The following TRHDE variants were observed in gnomAD, a reference collection of about 807,000 sequenced individuals.
TRHDE encodes the protein thyrotropin-releasing hormone-degrading ectoenzyme.
A neutral mutation model predicts 125.7 loss-of-function variants in TRHDE; 72 were observed. The ratio of observed to expected loss-of-function variants is 0.57; its 90% CI spans 0.47 to 0.70. The LOEUF (loss-of-function observed/expected upper bound fraction) is 0.70, where lower values mean the gene tolerates loss of function less well. Among genes scored for constraint, TRHDE ranks in the 30% least tolerant of loss-of-function variants. The probability of loss-of-function intolerance (pLI) is 0.00; values close to 1 mark genes in which losing one functional copy is unlikely to be tolerated. For synonymous variants in TRHDE, 509 were observed against 509.1 expected (o/e 1.00, Z 0.00); for missense variants, 1,110 against 1,327.1 (o/e 0.84, Z 2.54).
intron 2 of TRHDE, among the ~76,000 whole-genome samples, chr12:72,121,596 G>C (rs1875583598): frequency 6.6e-6 from 1 of 152,174 alleles, no homozygotes; most frequent in African/African-American, 2.4e-5. Flanking sequence ...CCAGATGATA[G>C]GGGAGAGGTG....
At chr12:72,251,352 C>T (rs1344814857) in intron 2 of TRHDE, among the ~76,000 whole-genome samples, 1 of 151,346 alleles carries the variant, frequency 6.6e-6, no homozygotes, top group East Asian at 1.9e-4. Context: ...TTTCCCACTT[C>T]TGTAATTTTA....
At chr12:72,309,686 T>G (rs1270622459) in intron 2 of TRHDE, 1 of 152,036 alleles carries the variant, frequency 6.6e-6, no homozygotes, top group African/African-American at 2.4e-5. Context: ...GGGTGTGTTT[T>G]TTTTTTCCTT....
intron 2 of TRHDE, among the ~76,000 whole-genome samples, chr12:72,376,886 A>G (rs1317119232): frequency 2.1e-5 from 3 of 145,722 alleles, no homozygotes; most frequent in African/African-American, 7.7e-5. Context: ...TTTTTTTTTT[A>G]GATATTTGAA....
At chr12:72,325,905 C>A (rs2135714809) in intron 2 of TRHDE, among the ~76,000 whole-genome samples, 1 of 152,186 alleles carries the variant, frequency 6.6e-6, no homozygotes, top group Non-Finnish European at 1.5e-5. Context: ...AACTATAAAC[C>A]AGGCATTTGA....
intron 3 of TRHDE, among the ~76,000 whole-genome samples, chr12:72,394,005 C>T (rs1444945084): frequency 6.6e-6 from 1 of 152,104 alleles, no homozygotes; most frequent in African/African-American, 2.4e-5. Flanking sequence ...AACGTGTACA[C>T]CTGGCTCATA....
At chr12:72,469,994 A>G in intron 4 of TRHDE, 82 bp downstream of exon 4, 2 of 1,389,896 alleles carry the variant, frequency 1.4e-6, no homozygotes, top group Non-Finnish European at 2.0e-6. Flanking sequence ...GAGCTAAATT[A>G]TTATCCTCCC....
At chr12:72,138,341 C>T (rs1027688605) in intron 2 of TRHDE, among the ~76,000 whole-genome samples, 5 of 151,824 alleles carry the variant, frequency 3.3e-5, no homozygotes, top group African/African-American at 1.2e-4. Flanking sequence ...CACCATTGCA[C>T]TCTAGCCTGG....
intron 2 of TRHDE, among the ~76,000 whole-genome samples, chr12:72,370,550 A>G (rs893032497): frequency 3.3e-5 from 5 of 152,112 alleles, no homozygotes; most frequent in Non-Finnish European, 5.9e-5. Flanking sequence ...TTACTTCTTC[A>G]GTGTCACCTA....
chr12:72,293,012 G>A (rs1023930927), intron 2 of TRHDE, among the ~76,000 whole-genome samples: 1 of 152,122 alleles, frequency 6.6e-6, no homozygotes, highest in Non-Finnish European at 1.5e-5. Context: ...GTTGATTGGG[G>A]TTAACTTGAT....
intron 2 of TRHDE, among the ~76,000 whole-genome samples, chr12:72,266,324 C>T (rs1879068330): frequency 6.6e-6 from 1 of 151,690 alleles, no homozygotes; most frequent in Non-Finnish European, 1.5e-5. Flanking sequence ...TTTGCGCTGT[C>T]AAATAAGCCT....
In TRHDE at chr12:72,473,235, A is replaced by G. The variant is rs564629778; in HGVS notation, c.1584+55A>G. ...TAGTAAAAGGCCGATCTAGTGTTAC[A>G]TTAGGCTTATACCATCCTTAGAGAT... On this transcript the variant is annotated intron_variant, in intron 5 of 18. Coordinates refer to ENST00000261180, the MANE Select transcript of TRHDE (RefSeq NM_013381.3). The G allele has an allele frequency of 1.8e-5, 24 of 1,349,304 alleles. No homozygotes were observed. In the African/African-American group the frequency reaches 2.2e-4, roughly 12 times the overall value. 83.6% of individuals were successfully genotyped at this position (1,349,304 alleles called of 1,614,324 possible).
At chr12:72,371,954 G>A (rs1367957312) in intron 2 of TRHDE, among the ~76,000 whole-genome samples, 1 of 152,132 alleles carries the variant, frequency 6.6e-6, no homozygotes, top group Non-Finnish European at 1.5e-5. Context: ...CTAGATACCT[G>A]AGGAATCGCC....
chr12:72,172,273 G>T (rs1034432395), intron 2 of TRHDE, among the ~76,000 whole-genome samples: 3 of 152,176 alleles, frequency 2.0e-5, no homozygotes, highest in African/African-American at 7.2e-5. Context: ...CAGACATAAA[G>T]ATTGAGAACA....
chr12:72,536,316 C>T (rs931641087), intron 6 of TRHDE, among the ~76,000 whole-genome samples: 2 of 152,060 alleles, frequency 1.3e-5, no homozygotes, highest in Non-Finnish European at 2.9e-5. Context: ...AAGGAGAAAA[C>T]ATTATATGCA....
At chr12:72,387,852 C>T (rs1472405150) in intron 3 of TRHDE, among the ~76,000 whole-genome samples, 1 of 152,140 alleles carries the variant, frequency 6.6e-6, no homozygotes, top group Non-Finnish European at 1.5e-5. Flanking sequence ...CTTTTGCCTT[C>T]TGCCATGATT....
intron 7 of TRHDE, among the ~76,000 whole-genome samples, chr12:72,561,332 ATG>A (rs1870167254): frequency 6.7e-6 from 1 of 150,238 alleles, no homozygotes; most frequent in African/African-American, 2.5e-5. Context: ...TACTATATAT[ATG>A]TTGCAGAGAT....
intron 2 of TRHDE, among the ~76,000 whole-genome samples, chr12:72,346,372 C>G (rs1736929024): frequency 6.6e-6 from 1 of 152,022 alleles, no homozygotes; most frequent in Non-Finnish European, 1.5e-5. Context: ...ACAAAAGCAT[C>G]CAGCCAAGAT....
chr12:72,184,292 C>T (rs1443147137), intron 2 of TRHDE, among the ~76,000 whole-genome samples: 1 of 152,070 alleles, frequency 6.6e-6, no homozygotes, highest in African/African-American at 2.4e-5. Flanking sequence ...TTCTTGCAAT[C>T]CATTGGTGGG....
At chr12:72,652,092 A>C (rs574813508) in intron 15 of TRHDE, among the ~76,000 whole-genome samples, 1 of 152,138 alleles carries the variant, frequency 6.6e-6, no homozygotes, top group East Asian at 1.9e-4. Context: ...CAAGAGTGGA[A>C]ATAATAATTA....
Sources: gnomAD v4.1 joint callset for allele counts (sites outside exome capture counted in the v4.1 genomes callset) on GRCh38, gnomAD v4.1.1 for gene constraint, MANE v1.5 for transcripts, NCBI Gene and HGNC (gene_info 2026-07-23, HGNC 2026-07-21) for gene names.